Variants in AKAP9 observed in about 807,000 individuals in gnomAD.
AKAP9 encodes the protein A-kinase anchoring protein 9, also known as A-kinase anchor protein 9.
AKAP9 carries 311 observed loss-of-function variants against 488.5 expected under a neutral mutation model. That is an observed-to-expected ratio of 0.64 (90% CI 0.58 to 0.70). AKAP9 has a LOEUF of 0.70. Ranked by LOEUF, AKAP9 falls within the 30% of genes least tolerant of loss-of-function variation. The pLI, the probability that AKAP9 is intolerant of heterozygous loss-of-function variation, is 0.00. For missense variants in AKAP9, 4,215 were observed against 4,374.5 expected (o/e 0.96, Z 1.03); for synonymous variants, 1,462 against 1,483.5 (o/e 0.99, Z 0.33).
chr7:91,945,584 C>G (rs2130442851), intron 1 of AKAP9, among the ~76,000 whole-genome samples: 1 of 152,276 alleles, frequency 6.6e-6, no homozygotes, highest in South Asian at 2.1e-4. Flanking sequence ...TTTTCTGCTG[C>G]TTGTTGGTTG....
chr7:92,040,616 G>C (rs988236220), intron 17 of AKAP9, 58 bp from the exon 18 acceptor site: 3 of 1,294,608 alleles, frequency 2.3e-6, no homozygotes, highest in African/African-American at 1.5e-5. Context: ...AATGCTGACA[G>C]ATTTTTACAA....
Position 92,079,676 on chromosome 7 carries a change from C to A in AKAP9, c.7543C>A (p.Leu2515Ile). Residue 2515 changes from leucine (L) to isoleucine (I), a missense_variant, in exon 31 of 50, where the codon CTT (leucine) becomes ATT (isoleucine). By Grantham distance (5) the Leu-to-Ile change is conservative (BLOSUM62 2). Around this residue, in one of 5 missense-constraint regions of AKAP9, gnomAD observed 1,476 missense variants for 1,477.4 expected, o/e 1.00. Coordinates refer to ENST00000356239, the MANE Select transcript of AKAP9 (RefSeq NM_005751.5). ...ESTVSAKDLE[L>I]TQCYKQIKDM... The stretch of plus-strand genomic sequence containing the variant: ...CACTGTTAGTGCAAAGGACTTAGAA[C>A]TTACCCAGTGTTATAAACAAATAAA... 1 of 1,614,022 alleles carries A rather than the reference C, an allele frequency of 6.2e-7. No individual in the cohort carries two copies.
At chr7:92,057,749 T>A (rs998450167) in intron 22 of AKAP9, 1 of 222,764 alleles carries the variant, frequency 4.5e-6, no homozygotes, top group East Asian at 6.5e-5. Context: ...GAAGGCTTAC[T>A]TATTACTACA....
intron 14 of AKAP9, among the ~76,000 whole-genome samples, chr7:92,027,680 C>A (rs1443231788): frequency 6.7e-6 from 1 of 148,210 alleles, no homozygotes; most frequent in Admixed American, 6.7e-5. Context: ...ATGTGAGGAG[C>A]GCCTCTGCCT....
chr7:92,058,395 TG>T (rs1809185110), intron 22 of AKAP9: 2 of 546,468 alleles, frequency 3.7e-6, no homozygotes, highest in African/African-American at 1.9e-5. Flanking sequence ...AAAATTTCAC[TG>T]CCTACCCCTC....
intron 8 of AKAP9, among the ~76,000 whole-genome samples, chr7:92,004,746 A>G (rs1344256747): frequency 1.3e-5 from 2 of 152,206 alleles, no homozygotes; most frequent in East Asian, 3.8e-4. Flanking sequence ...CTAGATATAC[A>G]ATCACGTCAT....
intron 14 of AKAP9, among the ~76,000 whole-genome samples, chr7:92,027,800 G>A: frequency 6.6e-6 from 1 of 152,234 alleles, no homozygotes; most frequent in East Asian, 1.9e-4. Context: ...CGAAGAGACA[G>A]CAACCATTGA....
At position 92,052,669 on chromosome 7, in the gene AKAP9, T is replaced by A. The variant is rs1808182475; in HGVS notation, c.5369-57T>A. 11 of 1,257,722 alleles carry A rather than the reference T, an allele frequency of 8.7e-6. No individual in the cohort carries two copies. In the South Asian group the frequency reaches 1.6e-4, roughly 18 times the overall value. The allele number at this position is 1,257,722 out of a possible 1,614,324, so 77.9% of individuals were successfully genotyped here. On this transcript the variant is annotated intron_variant, in intron 21 of 49. Coordinates refer to ENST00000356239, the MANE Select transcript of AKAP9 (RefSeq NM_005751.5). ...GTTTAGTTTGATGTTGTTTTATAAC[T>A]TTAAAAAATTATGATTATTATAATT...
At chr7:91,998,416 C>CTTTTTT (rs1554402644) in intron 7 of AKAP9, among the ~76,000 whole-genome samples, 1 of 57,354 alleles carries the variant, frequency 1.7e-5, no homozygotes, top group Non-Finnish European at 4.1e-5. Context: ...AACCACAGGG[C>CTTTTTT]TCTTTTTTTT....
chr7:92,098,007 A>AC, intron 42 of AKAP9, 102 bp from the exon 43 acceptor site: 1 of 876,870 alleles, frequency 1.1e-6, no homozygotes, highest in Non-Finnish European at 1.9e-6. Context: ...TATAAGGGAG[A>AC]AGTGATAGGT....
rs1440127984 is a variant in AKAP9 at position 92,001,623 on chromosome 7, A to G, written c.1706A>G (p.Glu569Gly). ...GCACATAAGTCCCTTAGTACAGTGG[A>G]AGATTTGAAAGCTGAGATTGTTTCT... Reference protein sequence around the residue: ...NEAHKSLSTVEDLKAEIVSAS... With the variant: ...NEAHKSLSTVGDLKAEIVSAS... Residue 569 changes from glutamate (E) to glycine (G), a missense_variant, in exon 8 of 50, where the codon GAA (glutamate) becomes GGA (glycine). Glu to Gly is a moderately conservative substitution (Grantham distance 98, BLOSUM62 -2). This residue lies in a region of AKAP9 where 2,361 missense variants were observed against 2,430.0 expected (regional missense o/e 0.97). Coordinates refer to ENST00000356239, the MANE Select transcript of AKAP9 (RefSeq NM_005751.5). 1.2e-6 allele frequency: 2 copies of G among 1,613,628 alleles called. No homozygotes were observed. The highest frequency in any genetic ancestry group is 1.1e-5 in the South Asian group (1 of 90,998).
chr7:92,042,278 A>T, intron 19 of AKAP9, 92 bp downstream of exon 19: 1 of 1,532,334 alleles, frequency 6.5e-7, no homozygotes, highest in South Asian at 1.1e-5. Context: ...GTATTCTTTT[A>T]TAGGTACTGA....
intron 1 of AKAP9, among the ~76,000 whole-genome samples, chr7:91,954,497 G>A (rs181730477): frequency 1.3e-5 from 2 of 152,180 alleles, no homozygotes; most frequent in Non-Finnish European, 2.9e-5. Context: ...GTTGGTCCTG[G>A]ACTCAAGTGA....
At chr7:92,077,218 G>A (rs1178110264) in intron 29 of AKAP9, among the ~76,000 whole-genome samples, 2 of 149,714 alleles carry the variant, frequency 1.3e-5, no homozygotes, top group South Asian at 2.1e-4. Context: ...TCAGCCTCCC[G>A]AGTAGCTGGG....
chr7:92,068,323 G>A (rs1459308119), intron 26 of AKAP9, among the ~76,000 whole-genome samples: 5 of 134,630 alleles, frequency 3.7e-5, no homozygotes, highest in South Asian at 2.3e-4. Context: ...CTGAGATCAC[G>A]CCACTGCACT....
rs143863934 is a variant in AKAP9 at position 92,065,587 on chromosome 7, C to A, written c.6210+124C>A. On this transcript the variant is annotated intron_variant, in intron 25 of 49. Transcript: ENST00000356239. The stretch of plus-strand genomic sequence containing the variant: ...AGTTTTTCAGTGTTTTATTAGGTGT[C>A]GAATCTACTAATCGATCAAAAAGTA... 170 of 669,794 alleles carry A rather than the reference C, an allele frequency of 2.5e-4. No homozygotes were observed. The East Asian group carries it at 4.7e-3, about 19-fold the overall frequency. The allele number at this position is 669,794 out of a possible 1,614,324, so 41.5% of individuals were successfully genotyped here.
intron 16 of AKAP9, among the ~76,000 whole-genome samples, chr7:92,038,214 A>C (rs964919936): frequency 1.3e-5 from 2 of 152,216 alleles, no homozygotes; most frequent in Non-Finnish European, 2.9e-5. Context: ...TTAAAGTGGC[A>C]GGCAGTAAAA....
intron 8 of AKAP9, 72 bp from the exon 9 acceptor site, chr7:92,012,357 C>CA (rs920076516): frequency 1.5e-4 from 207 of 1,391,980 alleles, no homozygotes; most frequent in East Asian, 1.2e-3. Context: ...TCAGTATATG[C>CA]AAAAAAAAGA....
rs944150920 is a variant in AKAP9 at position 92,097,263 on chromosome 7, G to A, written c.10304G>A (p.Arg3435Gln). 5.0e-6 allele frequency: 8 copies of A among 1,613,788 alleles called. No individual in the cohort carries two copies. Among genetic ancestry groups the A allele is most frequent in the African/African-American group, 1.3e-5 (1 of 74,934 alleles). The change falls in exon 41 of 50, where the codon CGA becomes CAA. Residue 3435 changes from arginine to glutamine, a missense_variant. Transcript: ENST00000356239. ...TATAAGTTAGACCTTGAAGGACAGC[G>A]ACTACAAGGAATCATGCAGGAATTC... ...QVYKLDLEGQ[R>Q]LQGIMQEFQK...
Sources: allele counts gnomAD v4.1 joint callset (sites outside exome capture counted in the v4.1 genomes callset), GRCh38; gene constraint gnomAD v4.1.1; regional missense constraint gnomAD v4.1.1; transcripts MANE v1.5; gene names NCBI Gene and HGNC (gene_info 2026-07-23, HGNC 2026-07-21).